KAZN: variants seen among roughly 807,000 people sequenced by gnomAD.
KAZN encodes the protein kazrin, periplakin interacting protein.
A neutral mutation model predicts 87.4 loss-of-function variants in KAZN; 40 were observed. The ratio of observed to expected loss-of-function variants is 0.46; its 90% CI spans 0.36 to 0.60. The LOEUF is 0.60. Ranked by LOEUF, KAZN falls within the 20% of genes least tolerant of loss-of-function variation. The probability of loss-of-function intolerance (pLI) is 0.00; values close to 1 mark genes in which losing one functional copy is unlikely to be tolerated. For synonymous variants in KAZN, 466 were observed against 458.3 expected, an observed-to-expected ratio of 1.02 and a Z score of -0.22; for missense variants, 898 against 1,073.9, an observed-to-expected ratio of 0.84 and a Z score of 2.29.
At chr1:14,344,617 G>A (rs1657977874) in intron 2 of KAZN, among the ~76,000 whole-genome samples, 1 of 152,132 alleles carries the variant, frequency 6.6e-6, no homozygotes. Flanking sequence ...GTCAGATTGT[G>A]ATAAATGCTA....
chr1:14,214,468 T>C (rs974792570), intron 2 of KAZN, among the ~76,000 whole-genome samples: 3 of 152,198 alleles, frequency 2.0e-5, no homozygotes, highest in Non-Finnish European at 4.4e-5. Flanking sequence ...CTCAGCTTAA[T>C]TGACAATCTC....
Position 15,044,011 on chromosome 1 carries a change from C to T in KAZN, c.578C>T (p.Ala193Val), listed in dbSNP as rs1012403135. 4.3e-6 allele frequency: 7 copies of T among 1,611,204 alleles called. No individual in the cohort carries two copies. The African/African-American group carries it at 6.7e-5, about 15-fold the overall frequency. ...HRKESEDAVKALAKEKDLLER... is the reference protein window; with the variant it reads ...HRKESEDAVKVLAKEKDLLER... The stretch of plus-strand genomic sequence containing the variant: ...CAGGAGAGCGAGGATGCGGTCAAAG[C>T]GCTGGCCAAGGAGAAGGACCTGCTG... Residue 193 changes from alanine to valine, a missense_variant, in exon 4 of 15, where the codon GCG becomes GTG. Around this residue, in one of 3 missense-constraint regions of KAZN, gnomAD observed 521 missense variants for 689.4 expected, o/e 0.76. Transcript: ENST00000376030.
At chr1:14,484,008 A>G (rs1669219417) in intron 2 of KAZN, among the ~76,000 whole-genome samples, 1 of 152,228 alleles carries the variant, frequency 6.6e-6, no homozygotes, top group East Asian at 1.9e-4. Context: ...AGTACCGTTT[A>G]TTAAAGAGAT....
chr1:14,575,206 A>G (rs189036209), intron 2 of KAZN, among the ~76,000 whole-genome samples: 465 of 151,986 alleles, frequency 3.1e-3, no homozygotes, highest in Non-Finnish European at 5.5e-3. Flanking sequence ...GGGGAAGGAG[A>G]TAAGAGTGGG....
chr1:14,591,173 C>A (rs886225523), intron 2 of KAZN, among the ~76,000 whole-genome samples: 58 of 104,672 alleles, frequency 5.5e-4, no homozygotes, highest in Non-Finnish European at 1.1e-3. Context: ...CAAATAGTGC[C>A]CCCCCCCCAT....
At chr1:15,092,721 C>T (rs77770133) in intron 8 of KAZN, among the ~76,000 whole-genome samples, 12,372 of 152,032 alleles carry the variant, frequency 0.081, 573 homozygotes, top group African/African-American at 0.098. Context: ...GCATTCTGCC[C>T]ACCTTGTCCT....
intron 1 of KAZN, among the ~76,000 whole-genome samples, chr1:14,137,053 G>A (rs1645123242): frequency 6.6e-6 from 1 of 152,198 alleles, no homozygotes; most frequent in African/African-American, 2.4e-5. Context: ...GTCTTCTGAG[G>A]CAGGAGCTAA....
intron 1 of KAZN, among the ~76,000 whole-genome samples, chr1:13,935,004 AG>A (rs1222191352): frequency 5.3e-4 from 80 of 152,246 alleles, no homozygotes; most frequent in Non-Finnish European, 5.7e-4. Context: ...TGAGAGGTCG[AG>A]GCAGGTGGAT....
intron 1 of KAZN, among the ~76,000 whole-genome samples, chr1:14,055,023 A>G (rs1317589133): frequency 2.6e-5 from 4 of 151,990 alleles, no homozygotes; most frequent in Non-Finnish European, 4.4e-5. Flanking sequence ...TATGGCCTCT[A>G]CTCACTAGAT....
chr1:14,418,148 G>A (rs1168090039), intron 2 of KAZN, among the ~76,000 whole-genome samples: 1 of 151,162 alleles, frequency 6.6e-6, no homozygotes, highest in Non-Finnish European at 1.5e-5. Flanking sequence ...TCCAATGGAG[G>A]CAAGAATTTC....
At chr1:14,697,140 C>G (rs76150510) in intron 1 of KAZN, among the ~76,000 whole-genome samples, 1 of 67,786 alleles carries the variant, frequency 1.5e-5, no homozygotes, top group African/African-American at 4.9e-5. Context: ...AACAAACCAA[C>G]AAAAAAAAAA....
intron 1 of KAZN, among the ~76,000 whole-genome samples, chr1:14,653,491 C>T (rs1638580564): frequency 6.6e-6 from 1 of 152,172 alleles, no homozygotes; most frequent in South Asian, 2.1e-4. Flanking sequence ...CCCGGGGCGG[C>T]CAGACCGGTC....
intron 1 of KAZN, among the ~76,000 whole-genome samples, chr1:13,983,447 G>C (rs1638849264): frequency 6.6e-6 from 1 of 152,248 alleles, no homozygotes; most frequent in Non-Finnish European, 1.5e-5. Context: ...GGGCCGGCCG[G>C]CTGCTCTGAG....
At chr1:14,569,947 C>T (rs1034528649) in intron 2 of KAZN, among the ~76,000 whole-genome samples, 1 of 151,890 alleles carries the variant, frequency 6.6e-6, no homozygotes, top group African/African-American at 2.4e-5. Flanking sequence ...CCCGTTTCTA[C>T]TAAAAATACA....
In KAZN at chr1:15,036,954, C is replaced by T. The variant is rs140321730; in HGVS notation, c.555+2069C>T. 3.8e-4 allele frequency among the ~76,000 whole-genome samples: 58 copies of T among 152,258 alleles called. No individual in the cohort carries two copies. In the East Asian group the frequency reaches 8.7e-3, roughly 23 times the overall value. On this transcript the variant is annotated intron_variant, in intron 3 of 14. Coordinates refer to ENST00000376030, the MANE Select transcript of KAZN (RefSeq NM_201628.3). ...GATAACTCACCCACGGTCATGCAGC[C>T]GGCGATGGCAGGGCAGGGGCTTACA...
chr1:14,516,426 G>A (rs1671302908), intron 2 of KAZN, among the ~76,000 whole-genome samples: 1 of 152,194 alleles, frequency 6.6e-6, no homozygotes, highest in African/African-American at 2.4e-5. Flanking sequence ...CCTAGGCCTG[G>A]TCAACCAGCA....
At chr1:14,118,915 G>A (rs554408729) in intron 1 of KAZN, among the ~76,000 whole-genome samples, 3 of 152,134 alleles carry the variant, frequency 2.0e-5, no homozygotes, top group Non-Finnish European at 4.4e-5. Context: ...GCGACAGATT[G>A]GTTTCCTGGC....
At chr1:14,545,083 C>A (rs1673058034) in intron 2 of KAZN, among the ~76,000 whole-genome samples, 1 of 152,190 alleles carries the variant, frequency 6.6e-6, no homozygotes, top group Non-Finnish European at 1.5e-5. Context: ...TGATATCAGA[C>A]ATTTTCCCCC....
chr1:14,235,690 A>T (rs1262095343), intron 2 of KAZN, among the ~76,000 whole-genome samples: 4 of 152,246 alleles, frequency 2.6e-5, no homozygotes, highest in Admixed American at 2.6e-4. Flanking sequence ...ATTCTTTCTA[A>T]GACTGAAGAA....
Sources: allele counts gnomAD v4.1 joint callset (sites outside exome capture counted in the v4.1 genomes callset), GRCh38; gene constraint gnomAD v4.1.1; regional missense constraint gnomAD v4.1.1; transcripts MANE v1.5; gene names NCBI Gene and HGNC (gene_info 2026-07-23, HGNC 2026-07-21).